Variants in ADAMTS6 observed in about 807,000 individuals in gnomAD.
The protein encoded by ADAMTS6 is ADAM metallopeptidase with thrombospondin type 1 motif 6.
Under a neutral mutation model 144.3 loss-of-function variants are expected in ADAMTS6, and 23 were observed. The ratio of observed to expected loss-of-function variants is 0.16; its 90% CI spans 0.11 to 0.23. The LOEUF (loss-of-function observed/expected upper bound fraction) is 0.23, where lower values mean the gene tolerates loss of function less well. Among genes scored for constraint, ADAMTS6 ranks in the 10% least tolerant of loss-of-function variants. The pLI is 1.00. For missense variants in ADAMTS6, 999 were observed against 1,379.6 expected (o/e 0.72, Z 4.37); for synonymous variants, 444 against 457.5 (o/e 0.97, Z 0.38).
At chr5:65,179,084 C>T (rs927182135) in intron 22 of ADAMTS6, among the ~76,000 whole-genome samples, 4 of 152,174 alleles carry the variant, frequency 2.6e-5, no homozygotes, top group Non-Finnish European at 4.4e-5. Flanking sequence ...GACTGGTCCA[C>T]GCATGGCCGA....
chr5:65,281,394 C>T (rs138071780), intron 11 of ADAMTS6, among the ~76,000 whole-genome samples: 432 of 152,156 alleles, frequency 2.8e-3, no homozygotes, highest in African/African-American at 8.7e-3. Flanking sequence ...TTGATTTTAA[C>T]GGACAATATC....
chr5:65,212,046 G>A (rs1051828398), intron 20 of ADAMTS6, among the ~76,000 whole-genome samples: 1 of 152,142 alleles, frequency 6.6e-6, no homozygotes, highest in Non-Finnish European at 1.5e-5. Flanking sequence ...AAACTTGAGC[G>A]AGCAACAAAA....
At chr5:65,358,835 G>A (rs1315161698) in intron 7 of ADAMTS6, among the ~76,000 whole-genome samples, 1 of 152,070 alleles carries the variant, frequency 6.6e-6, no homozygotes, top group Admixed American at 6.6e-5. Flanking sequence ...GCAGAAGAAT[G>A]AAATTGGACC....
rs1468424798 is a variant in ADAMTS6, at chr5:65,165,926, C to G, written c.3244+4691G>C. On this transcript the variant is annotated intron_variant, in intron 24 of 24. Coordinates refer to ENST00000381055, the MANE Select transcript of ADAMTS6 (RefSeq NM_197941.4). Reference sequence around the variant, plus strand: ...CAACCGGTACCAGCCGCTGCAAAATCATGCCAAAATGTAAAGACCATCGAG... The same window carrying G: ...CAACCGGTACCAGCCGCTGCAAAATGATGCCAAAATGTAAAGACCATCGAG... 1.1e-4 allele frequency among the ~76,000 whole-genome samples: 17 copies of G among 148,156 alleles called. No individual in the cohort carries two copies. In the East Asian group the frequency reaches 3.2e-3, roughly 28 times the overall value.
chr5:65,185,361 A>G (rs1441923952), intron 22 of ADAMTS6, among the ~76,000 whole-genome samples: 1 of 152,112 alleles, frequency 6.6e-6, no homozygotes, highest in African/African-American at 2.4e-5. Flanking sequence ...GGCAAAAACC[A>G]TTTTTCCTCT....
At chr5:65,448,005 G>A (rs1758407942) in intron 7 of ADAMTS6, among the ~76,000 whole-genome samples, 1 of 150,524 alleles carries the variant, frequency 6.6e-6, no homozygotes, top group South Asian at 2.1e-4. Flanking sequence ...CTTTGGTATA[G>A]CATAAAGTTA....
At chr5:65,476,944 T>C (rs1489111362) in intron 1 of ADAMTS6, among the ~76,000 whole-genome samples, 1 of 152,240 alleles carries the variant, frequency 6.6e-6, no homozygotes, top group Non-Finnish European at 1.5e-5. Flanking sequence ...GGTTAGTTAA[T>C]GTGAATAGTT....
chr5:65,244,243 A>G (rs1163331727), intron 14 of ADAMTS6, among the ~76,000 whole-genome samples: 2 of 152,086 alleles, frequency 1.3e-5, no homozygotes, highest in Non-Finnish European at 2.9e-5. Flanking sequence ...GAATGGTTGG[A>G]AAAAGGCCAA....
chr5:65,350,605 T>C (rs554832484), intron 7 of ADAMTS6, among the ~76,000 whole-genome samples: 12 of 152,290 alleles, frequency 7.9e-5, no homozygotes, highest in Middle Eastern at 3.4e-3. Flanking sequence ...CCACATTATA[T>C]TGTGAGCTAA....
chr5:65,279,797 A>G (rs781475751), intron 11 of ADAMTS6, among the ~76,000 whole-genome samples: 1 of 151,980 alleles, frequency 6.6e-6, no homozygotes, highest in South Asian at 2.1e-4. Context: ...TCAACCACCT[A>G]TTTCTTAACC....
chr5:65,394,317 C>G (rs73111133), intron 7 of ADAMTS6, among the ~76,000 whole-genome samples: 3,038 of 152,282 alleles, frequency 0.02, 99 homozygotes, highest in African/African-American at 0.069. Flanking sequence ...GATGCCCGGC[C>G]ATCCCCCAGC....
intron 22 of ADAMTS6, among the ~76,000 whole-genome samples, chr5:65,180,249 C>T (rs1579978099): frequency 6.6e-6 from 1 of 152,226 alleles, no homozygotes; most frequent in African/African-American, 2.4e-5. Context: ...AACTCTTTAT[C>T]ACAATGAATA....
chr5:65,316,019 C>A (rs1744961054), intron 9 of ADAMTS6, among the ~76,000 whole-genome samples: 2 of 152,174 alleles, frequency 1.3e-5, no homozygotes, highest in Admixed American at 1.3e-4. Flanking sequence ...TCAGGCAATT[C>A]TCTTGCCTCA....
intron 24 of ADAMTS6, among the ~76,000 whole-genome samples, chr5:65,162,484 C>A (rs1752836076): frequency 6.6e-6 from 1 of 152,038 alleles, no homozygotes; most frequent in Non-Finnish European, 1.5e-5. Context: ...TGGACCCTAC[C>A]AAATGTGGGT....
chr5:65,307,578 A>G (rs1055597971), intron 9 of ADAMTS6, among the ~76,000 whole-genome samples: 3 of 152,242 alleles, frequency 2.0e-5, no homozygotes, highest in Non-Finnish European at 4.4e-5. Context: ...TGCAATTACC[A>G]TACTGAAGTT....
intron 11 of ADAMTS6, among the ~76,000 whole-genome samples, chr5:65,285,210 T>C (rs1277173378): frequency 6.6e-6 from 1 of 152,184 alleles, no homozygotes; most frequent in Non-Finnish European, 1.5e-5. Context: ...AGATAGAAAC[T>C]TAACGTGGCC....
chr5:65,262,008 G>A (rs997029925), intron 13 of ADAMTS6, among the ~76,000 whole-genome samples: 3 of 151,988 alleles, frequency 2.0e-5, no homozygotes, highest in African/African-American at 7.2e-5. Flanking sequence ...AGCTGGGAAA[G>A]AAGGTCCTCA....
At chr5:65,338,444 C>A (rs1747510709) in intron 7 of ADAMTS6, among the ~76,000 whole-genome samples, 1 of 152,260 alleles carries the variant, frequency 6.6e-6, no homozygotes, top group Non-Finnish European at 1.5e-5. Flanking sequence ...ACTCTTTAAT[C>A]TTCTAGTCAC....
intron 7 of ADAMTS6, among the ~76,000 whole-genome samples, chr5:65,384,603 C>T (rs1441444680): frequency 6.6e-6 from 1 of 152,148 alleles, no homozygotes; most frequent in Non-Finnish European, 1.5e-5. Context: ...CTGCTCATAA[C>T]CACTTAAGTA....
Sources: gnomAD v4.1 joint callset for allele counts (sites outside exome capture counted in the v4.1 genomes callset) on GRCh38, gnomAD v4.1.1 for gene constraint, MANE v1.5 for transcripts, NCBI Gene and HGNC (gene_info 2026-07-23, HGNC 2026-07-21) for gene names.